Variants in PLD1 observed in about 807,000 individuals in gnomAD.
PLD1 encodes phospholipase D1.
PLD1 carries 112 observed loss-of-function variants against 137.1 expected under a neutral mutation model. The ratio of observed to expected loss-of-function variants is 0.82; its 90% CI spans 0.70 to 0.96. The LOEUF is 0.96. Among genes scored for constraint, PLD1 ranks in the 40% least tolerant of loss-of-function variants. The pLI is 0.00. For missense variants in PLD1, 1,321 were observed against 1,342.0 expected (o/e 0.98, Z 0.24); for synonymous variants, 431 against 454.7 (o/e 0.95, Z 0.66).
At chr3:171,793,530 A>G (rs887307166) in intron 1 of PLD1, 1 of 152,122 alleles carries the variant, frequency 6.6e-6, no homozygotes, top group African/African-American at 2.4e-5. Context: ...AATTTCAGTT[A>G]CCTGCAGTCA....
chr3:171,675,001 AAAAAG>A (rs1413859594), intron 18 of PLD1, among the ~76,000 whole-genome samples: 1 of 148,298 alleles, frequency 6.7e-6, no homozygotes, highest in African/African-American at 2.5e-5. Flanking sequence ...AAAAAAAAAG[AAAAAG>A]AAAAGAAAAG....
In PLD1 at chr3:171,779,849, C is replaced by G. The variant is rs191988259; in HGVS notation, c.-32+30550G>C. Among the ~76,000 whole-genome samples, 948 of 151,330 alleles carry G rather than the reference C, an allele frequency of 6.3e-3. 5 individuals are homozygous for G. Among genetic ancestry groups the G allele is most frequent in the Non-Finnish European group, 9.9e-3 (673 of 67,894 alleles). On this transcript the variant is annotated intron_variant, in intron 1 of 26. Coordinates refer to ENST00000351298, the MANE Select transcript of PLD1 (RefSeq NM_002662.5). The stretch of plus-strand genomic sequence containing the variant: ...TGGATACATAAGTCTGAGATTAGGA[C>G]TGGAGTTTGGATACATAAGTCTAAC...
chr3:171,802,395 A>G (rs879441153), intron 1 of PLD1, among the ~76,000 whole-genome samples: 24 of 152,232 alleles, frequency 1.6e-4, no homozygotes, highest in Admixed American at 9.8e-4. Flanking sequence ...GCAGCTTTCA[A>G]TGGTCAGGGA....
chr3:171,617,194 T>C (rs1000801831), intron 24 of PLD1, among the ~76,000 whole-genome samples: 2 of 152,256 alleles, frequency 1.3e-5, no homozygotes, highest in Non-Finnish European at 2.9e-5. Flanking sequence ...TGTTAATTTA[T>C]ATTTTTGTTT....
chr3:171,779,261 T>C (rs1310422894), intron 1 of PLD1, among the ~76,000 whole-genome samples: 1 of 152,082 alleles, frequency 6.6e-6, no homozygotes. Context: ...AGGAGAATAT[T>C]GCAGTAGTCC....
intron 23 of PLD1, among the ~76,000 whole-genome samples, chr3:171,629,139 A>C (rs1173883513): frequency 6.6e-6 from 1 of 151,364 alleles, no homozygotes; most frequent in East Asian, 1.9e-4. Context: ...AAATCTCCTT[A>C]AGCTGATAAG....
At chr3:171,681,586 T>C (rs780276214) in intron 16 of PLD1, among the ~76,000 whole-genome samples, 1 of 152,228 alleles carries the variant, frequency 6.6e-6, no homozygotes, top group African/African-American at 2.4e-5. Flanking sequence ...ACAAGTTATA[T>C]TTTAAAAAAT....
intron 1 of PLD1, among the ~76,000 whole-genome samples, chr3:171,782,416 G>A (rs934659252): frequency 7.9e-5 from 12 of 152,176 alleles, no homozygotes; most frequent in African/African-American, 2.7e-4. Flanking sequence ...CTTCAAAAGA[G>A]AACTATAAAC....
At chr3:171,639,002 A>G (rs1347478787) in intron 23 of PLD1, among the ~76,000 whole-genome samples, 1 of 151,852 alleles carries the variant, frequency 6.6e-6, no homozygotes, top group African/African-American at 2.4e-5. Flanking sequence ...CATTAACACC[A>G]TTGGCTCCTC....
At chr3:171,693,230 GC>G (rs1287303143) in intron 12 of PLD1, among the ~76,000 whole-genome samples, 2 of 152,188 alleles carry the variant, frequency 1.3e-5, no homozygotes, top group Non-Finnish European at 2.9e-5. Context: ...TAGTTCATGA[GC>G]ATGATGATTG....
At chr3:171,796,872 T>C (rs1186000709) in intron 1 of PLD1, among the ~76,000 whole-genome samples, 2 of 152,168 alleles carry the variant, frequency 1.3e-5, no homozygotes, top group Non-Finnish European at 2.9e-5. Context: ...TATCCTTGCT[T>C]CTGGATGGGG....
At position 171,671,177 on chromosome 3, in the gene PLD1, T is replaced by C. The variant is rs1419749182; in HGVS notation, c.2229+3323A>G. 2.0e-5 allele frequency among the ~76,000 whole-genome samples: 3 copies of C among 152,234 alleles called. 1 individual carries two copies. The highest frequency in any genetic ancestry group is 4.1e-4 in the South Asian group (2 of 4,826). On this transcript the variant is annotated intron_variant, in intron 19 of 26. Coordinates refer to ENST00000351298, the MANE Select transcript of PLD1 (RefSeq NM_002662.5). The stretch of plus-strand genomic sequence containing the variant: ...GTTAGCGTGAAAATGCATGTTATTA[T>C]ATTTAGCTGGATATTTCCAGCAGCA...
At chr3:171,653,958 C>A in intron 21 of PLD1, 1 of 267,664 alleles carries the variant, frequency 3.7e-6, no homozygotes, top group Non-Finnish European at 7.5e-6. Context: ...ACATCTGGTC[C>A]CCCAATAATT....
rs183963145 is a variant in PLD1, at chr3:171,616,654, G to A, written c.2728+3732C>T. Among the ~76,000 whole-genome samples the A allele has an allele frequency of 6.6e-5, 10 of 152,264 alleles. No individual in the cohort carries two copies. In the East Asian group the frequency reaches 1.7e-3, roughly 26 times the overall value. ...AGATAGAATGTTGCTGACTTTAAAG[G>A]TGGAAGAAGGGGCTGTGAGCCAAGG... On this transcript the variant is annotated intron_variant, in intron 24 of 26. Transcript: ENST00000351298.
rs1439238902 is a variant in PLD1 at position 171,623,731 on chromosome 3, G to C, written c.2594-3211C>G. On this transcript the variant is annotated intron_variant, in intron 23 of 26. Transcript: ENST00000351298. ...GTGAATGGGATAGAAAGTCCAAAAA[G>C]AGATGCAAATACATAAGGAAAATTT... Among the ~76,000 whole-genome samples, 3 of 152,018 alleles carry C rather than the reference G, an allele frequency of 2.0e-5. No individual in the cohort carries two copies. In the East Asian group the frequency reaches 5.8e-4, roughly 29 times the overall value.
chr3:171,676,861 G>C, intron 17 of PLD1, 28 bp from the exon 18 acceptor site: 2 of 1,510,704 alleles, frequency 1.3e-6, no homozygotes, highest in Non-Finnish European at 1.8e-6. Flanking sequence ...GCAAGGATCA[G>C]TCATTAACTT....
At chr3:171,733,667 C>A (rs1225989001) in intron 5 of PLD1, among the ~76,000 whole-genome samples, 158 bp from the exon 6 acceptor site, 1 of 152,106 alleles carries the variant, frequency 6.6e-6, no homozygotes, top group African/African-American at 2.4e-5. Context: ...TCCTGAATAG[C>A]ATTAAGGTGT....
At chr3:171,742,442 C>T (rs1357314434) in intron 1 of PLD1, among the ~76,000 whole-genome samples, 2 of 152,110 alleles carry the variant, frequency 1.3e-5, no homozygotes, top group African/African-American at 4.8e-5. Flanking sequence ...ACTCTATGAA[C>T]ATAGTTACGA....
chr3:171,804,945 C>T (rs976713305), intron 1 of PLD1, among the ~76,000 whole-genome samples: 1 of 152,218 alleles, frequency 6.6e-6, no homozygotes, highest in African/African-American at 2.4e-5. Flanking sequence ...TTTCTCCCCT[C>T]CCTTTCTACG....
Sources: gnomAD v4.1 joint callset for allele counts (sites outside exome capture counted in the v4.1 genomes callset) on GRCh38, gnomAD v4.1.1 for gene constraint, MANE v1.5 for transcripts, NCBI Gene and HGNC (gene_info 2026-07-23, HGNC 2026-07-21) for gene names.